RANBP9: variants seen among roughly 807,000 people sequenced by gnomAD.
RANBP9 encodes ran-binding protein 9.
A neutral mutation model predicts 84.3 loss-of-function variants in RANBP9; 15 were observed. The ratio of observed to expected loss-of-function variants is 0.18; its 90% CI spans 0.12 to 0.27. The LOEUF (loss-of-function observed/expected upper bound fraction) is 0.27, where lower values mean the gene tolerates loss of function less well. Ranked by LOEUF, RANBP9 falls within the 10% of genes least tolerant of loss-of-function variation. The pLI, the probability that RANBP9 is intolerant of heterozygous loss-of-function variation, is 1.00. For missense variants in RANBP9, 809 were observed against 912.8 expected (o/e 0.89, Z 1.46); for synonymous variants, 392 against 349.6 (o/e 1.12, Z -1.35).
At chr6:13,672,523 A>C (rs1259943281) in intron 2 of RANBP9, among the ~76,000 whole-genome samples, 1 of 152,176 alleles carries the variant, frequency 6.6e-6, no homozygotes, top group African/African-American at 2.4e-5. Context: ...ATAAATACCT[A>C]GTGAACATTA....
At chr6:13,652,461 A>C (rs1436992035) in intron 5 of RANBP9, among the ~76,000 whole-genome samples, 198 bp downstream of exon 5, 1 of 152,218 alleles carries the variant, frequency 6.6e-6, no homozygotes, top group Non-Finnish European at 1.5e-5. Context: ...TATACAATGA[A>C]TCCAGTGCAA....
intron 1 of RANBP9, among the ~76,000 whole-genome samples, chr6:13,703,965 G>T (rs1016823166): frequency 6.6e-6 from 1 of 152,140 alleles, no homozygotes; most frequent in Non-Finnish European, 1.5e-5. Context: ...ATGGTTCACT[G>T]CAAGAGCCTA....
intron 13 of RANBP9, among the ~76,000 whole-genome samples, chr6:13,624,502 GAA>G (rs1764544834): frequency 6.6e-6 from 1 of 152,112 alleles, no homozygotes; most frequent in Non-Finnish European, 1.5e-5. Context: ...GAAGTCAAAT[GAA>G]AACTCACTCT....
chr6:13,698,113 C>T (rs1223447976), intron 1 of RANBP9, among the ~76,000 whole-genome samples: 4 of 152,138 alleles, frequency 2.6e-5, no homozygotes, highest in South Asian at 2.1e-4. Context: ...CTTAAGTTTA[C>T]ACTTGCAATG....
chr6:13,643,481 A>G (rs541262850), intron 6 of RANBP9, among the ~76,000 whole-genome samples: 1 of 152,278 alleles, frequency 6.6e-6, no homozygotes, highest in East Asian at 1.9e-4. Flanking sequence ...GGAGGGAGAA[A>G]AGGGAGGAAA....
At chr6:13,684,107 G>C (rs559324154) in intron 2 of RANBP9, among the ~76,000 whole-genome samples, 1 of 152,194 alleles carries the variant, frequency 6.6e-6, no homozygotes, top group Non-Finnish European at 1.5e-5. Context: ...CAAAAGAAAA[G>C]ATGTTATTAT....
At chr6:13,628,818 C>T (rs746076545) in intron 12 of RANBP9, among the ~76,000 whole-genome samples, 2 of 152,130 alleles carry the variant, frequency 1.3e-5, no homozygotes, top group Non-Finnish European at 2.9e-5. Flanking sequence ...ATGTTAAACC[C>T]GCTAAAGTAG....
At chr6:13,686,344 G>A (rs558195021) in intron 2 of RANBP9, among the ~76,000 whole-genome samples, 28 of 150,782 alleles carry the variant, frequency 1.9e-4, no homozygotes, top group South Asian at 1.5e-3. Context: ...GGAGTGCAGC[G>A]GCGCGATCTT....
intron 12 of RANBP9, among the ~76,000 whole-genome samples, chr6:13,631,309 A>C (rs1764774152): frequency 6.6e-6 from 1 of 152,132 alleles, no homozygotes; most frequent in Admixed American, 6.5e-5. Flanking sequence ...CATGCCTTTA[A>C]CTTGAGGTGC....
At chr6:13,678,908 T>A (rs903959364) in intron 2 of RANBP9, among the ~76,000 whole-genome samples, 3 of 152,228 alleles carry the variant, frequency 2.0e-5, no homozygotes, top group African/African-American at 7.2e-5. Flanking sequence ...CAAAATAAAT[T>A]TAAGTATATG....
chr6:13,657,476 T>C (rs1765427284), intron 3 of RANBP9, among the ~76,000 whole-genome samples, 200 bp from the exon 4 acceptor site: 1 of 152,152 alleles, frequency 6.6e-6, no homozygotes, highest in Non-Finnish European at 1.5e-5. Flanking sequence ...GAAAAATAGC[T>C]ACACAGAACA....
intron 4 of RANBP9, among the ~76,000 whole-genome samples, chr6:13,654,063 G>A (rs1486175809): frequency 6.6e-6 from 1 of 151,920 alleles, no homozygotes; most frequent in African/African-American, 2.4e-5. Context: ...AATCAACACT[G>A]TATATTCTAT....
chr6:13,694,453 C>T lies in RANBP9; in HGVS notation c.683+2332G>A, dbSNP rs146616784. On this transcript the variant is annotated intron_variant, in intron 2 of 13. Coordinates refer to ENST00000011619, the MANE Select transcript of RANBP9 (RefSeq NM_005493.3). ...ATATGCCATTCTTGAAATGGACAAA[C>T]TATAGAGACAGAAAACCAGTCAACA... Among the ~76,000 whole-genome samples, 16 of 152,226 alleles carry T rather than the reference C, an allele frequency of 1.1e-4. No homozygotes were observed. In the East Asian group the frequency reaches 3.1e-3, roughly 29 times the overall value.
In RANBP9 at chr6:13,632,454, G is replaced by T; in HGVS notation, c.1863C>A (p.Ile621=). Reference sequence around the variant, plus strand: ...TTGCTTGCAGCTCTCGTCCAAAGTGGATCATTCTTTCTATGGCGGCCTGAC... The same window carrying T: ...TTGCTTGCAGCTCTCGTCCAAAGTGTATCATTCTTTCTATGGCGGCCTGAC... The part of the protein sequence containing the change: ...GGSQAAIERM[I]HFGRELQAMS... Residue 621 remains isoleucine (I), a synonymous_variant, in exon 12 of 14, where the codon ATC becomes ATA. Coordinates refer to ENST00000011619, the MANE Select transcript of RANBP9 (RefSeq NM_005493.3). The T allele has an allele frequency of 6.2e-7, 1 of 1,613,922 alleles. No homozygotes were observed. The highest frequency in any genetic ancestry group is 1.7e-4 in the Middle Eastern group (1 of 6,060).
chr6:13,706,697 A>T (rs1354823211), intron 1 of RANBP9, among the ~76,000 whole-genome samples: 3 of 149,264 alleles, frequency 2.0e-5, no homozygotes, highest in Admixed American at 6.7e-5. Context: ...TCCATCTTAA[A>T]AAAAAAAAAA....
intron 2 of RANBP9, among the ~76,000 whole-genome samples, chr6:13,681,192 A>G (rs1325376013): frequency 1.3e-5 from 2 of 152,230 alleles, no homozygotes; most frequent in Non-Finnish European, 1.5e-5. Context: ...TTACATTTAT[A>G]TAACATTCTG....
intron 1 of RANBP9, among the ~76,000 whole-genome samples, chr6:13,698,528 T>C (rs1361404079): frequency 6.6e-6 from 1 of 152,218 alleles, no homozygotes; most frequent in Non-Finnish European, 1.5e-5. Flanking sequence ...CAAATAAATC[T>C]ATAGAAAACT....
intron 7 of RANBP9, 74 bp downstream of exon 7, chr6:13,642,405 A>C: frequency 1.2e-6 from 1 of 819,010 alleles, no homozygotes; most frequent in Non-Finnish European, 1.7e-6. Flanking sequence ...TAAAAAAACA[A>C]AATTTCTAAA....
intron 3 of RANBP9, among the ~76,000 whole-genome samples, chr6:13,657,510 G>C (rs1765428706): frequency 6.6e-6 from 1 of 152,028 alleles, no homozygotes; most frequent in African/African-American, 2.4e-5. Flanking sequence ...TAAACAGAGA[G>C]AACCCCCTAC....
Sources: allele counts gnomAD v4.1 joint callset (sites outside exome capture counted in the v4.1 genomes callset), GRCh38; gene constraint gnomAD v4.1.1; transcripts MANE v1.5; gene names NCBI Gene and HGNC (gene_info 2026-07-23, HGNC 2026-07-21).